The following NALF1 variants were observed in gnomAD, a reference collection of about 807,000 sequenced individuals.
The protein encoded by NALF1 is family with sequence similarity 155 member A.
In NALF1, 3 loss-of-function variants were observed where a neutral mutation model predicts 48.4. The ratio of observed to expected loss-of-function variants is 0.06; its 90% CI spans 0.03 to 0.16. The LOEUF is 0.16. Ranked by LOEUF, NALF1 falls within the 10% of genes least tolerant of loss-of-function variation. The probability of loss-of-function intolerance (pLI) is 1.00; values close to 1 mark genes in which losing one functional copy is unlikely to be tolerated. For missense variants in NALF1, 526 were observed against 571.5 expected, an observed-to-expected ratio of 0.92 and a Z score of 0.81; for synonymous variants, 262 against 245.7, an observed-to-expected ratio of 1.07 and a Z score of -0.62.
chr13:107,423,583 C>T (rs1008597539), intron 1 of NALF1, among the ~76,000 whole-genome samples: 1 of 152,016 alleles, frequency 6.6e-6, no homozygotes, highest in African/African-American at 2.4e-5. Context: ...TTTCTGAAAA[C>T]AAAATTTTCT....
intron 1 of NALF1, among the ~76,000 whole-genome samples, chr13:107,809,962 C>G (rs1394096690): frequency 6.6e-6 from 1 of 151,942 alleles, no homozygotes; most frequent in African/African-American, 2.4e-5. Flanking sequence ...TTTCCATTCT[C>G]TCTCTCTCCT....
At chr13:107,355,929 A>G (rs1376515523) in intron 1 of NALF1, among the ~76,000 whole-genome samples, 1 of 152,216 alleles carries the variant, frequency 6.6e-6, no homozygotes, top group Non-Finnish European at 1.5e-5. Context: ...AGGGTATGTT[A>G]GTGCATTTAA....
chr13:107,326,013 G>A (rs747774722), intron 1 of NALF1, among the ~76,000 whole-genome samples: 5 of 149,446 alleles, frequency 3.3e-5, no homozygotes, highest in South Asian at 2.1e-4. Flanking sequence ...ATATGTGTGT[G>A]TGTGTAATCC....
chr13:107,263,249 GACAC>G (rs34637583), intron 1 of NALF1, among the ~76,000 whole-genome samples: 8,657 of 138,276 alleles, frequency 0.063, 298 homozygotes, highest in African/African-American at 0.11. Context: ...AATGCTAACA[GACAC>G]ACACACACAC....
At chr13:107,600,696 C>T (rs1422377443) in intron 1 of NALF1, among the ~76,000 whole-genome samples, 1 of 152,196 alleles carries the variant, frequency 6.6e-6, no homozygotes, top group East Asian at 1.9e-4. Flanking sequence ...TATATAGACC[C>T]TCATTCAGAA....
chr13:107,791,678 T>C (rs1184605446), intron 1 of NALF1, among the ~76,000 whole-genome samples: 2 of 152,044 alleles, frequency 1.3e-5, no homozygotes, highest in East Asian at 3.9e-4. Context: ...ATCCTTACAT[T>C]TGAAGCACAT....
At chr13:107,186,068 C>G (rs1879164466) in intron 2 of NALF1, among the ~76,000 whole-genome samples, 1 of 152,198 alleles carries the variant, frequency 6.6e-6, no homozygotes, top group Non-Finnish European at 1.5e-5. Flanking sequence ...AGTGAATCAT[C>G]CATTAGTCCA....
chr13:107,680,961 G>C (rs1366683566), intron 1 of NALF1, among the ~76,000 whole-genome samples: 1 of 39,388 alleles, frequency 2.5e-5, no homozygotes, highest in South Asian at 8.4e-4. Context: ...GTGTGTGTGT[G>C]TGTGTGTGTA....
chr13:107,675,948 T>C (rs7328877), intron 1 of NALF1, among the ~76,000 whole-genome samples: 69,900 of 151,838 alleles, frequency 0.46, 17,376 homozygotes, highest in East Asian at 0.82. Context: ...TGCTACCAGA[T>C]TTCTAGAGTC....
chr13:107,430,971 G>A (rs1372754499), intron 1 of NALF1, among the ~76,000 whole-genome samples: 1 of 152,080 alleles, frequency 6.6e-6, no homozygotes, highest in Non-Finnish European at 1.5e-5. Context: ...GTTTTTTCCT[G>A]ACTTTTTAAT....
At chr13:107,638,542 G>C (rs1880055685) in intron 1 of NALF1, among the ~76,000 whole-genome samples, 2 of 152,052 alleles carry the variant, frequency 1.3e-5, no homozygotes, top group African/African-American at 4.8e-5. Flanking sequence ...AGGACAGAGG[G>C]AGAAGAGGAT....
Position 107,431,134 on chromosome 13 carries a change from G to T in NALF1, c.916-220379C>A, listed in dbSNP as rs772428666. 4.5e-4 allele frequency among the ~76,000 whole-genome samples: 69 copies of T among 151,970 alleles called. 1 individual carries two copies. Among genetic ancestry groups the T allele is most frequent in the Admixed American group, 5.9e-4 (9 of 15,242 alleles). ...TGTCTGTTCATGTTCTTTGCCCATT[G>T]AGCTTTCTATCAAACACAGTTCTGT... is the stretch of plus-strand genomic sequence containing the variant. On this transcript the variant is annotated intron_variant, in intron 1 of 2. Transcript: ENST00000375915.
chr13:107,752,977 TTTG>T (rs1160924764), intron 1 of NALF1, among the ~76,000 whole-genome samples: 1 of 152,222 alleles, frequency 6.6e-6, no homozygotes, highest in Non-Finnish European at 1.5e-5. Flanking sequence ...TGTTACCAAC[TTTG>T]TTGTTATGAA....
intron 1 of NALF1, among the ~76,000 whole-genome samples, chr13:107,447,579 A>G (rs770898238): frequency 1.3e-5 from 2 of 152,040 alleles, no homozygotes; most frequent in African/African-American, 4.8e-5. Context: ...TAGCTTCTTT[A>G]TTCCTTTTTA....
intron 1 of NALF1, among the ~76,000 whole-genome samples, chr13:107,593,282 GAATT>G (rs1435618830): frequency 5.3e-5 from 8 of 151,754 alleles, no homozygotes; most frequent in Admixed American, 3.9e-4. Flanking sequence ...TCTAAGACTA[GAATT>G]ATTTACCTGA....
At chr13:107,308,503 C>T (rs1336937108) in intron 1 of NALF1, among the ~76,000 whole-genome samples, 1 of 152,022 alleles carries the variant, frequency 6.6e-6, no homozygotes, top group Non-Finnish European at 1.5e-5. Flanking sequence ...TGCTTTTCGG[C>T]ACTTTAGTTC....
chr13:107,377,414 G>C (rs1883357405), intron 1 of NALF1, among the ~76,000 whole-genome samples: 2 of 152,144 alleles, frequency 1.3e-5, no homozygotes, highest in African/African-American at 4.8e-5. Flanking sequence ...AAAGCAGGAG[G>C]ATCATGGAGA....
chr13:107,357,196 G>A lies in NALF1; in HGVS notation c.916-146441C>T, dbSNP rs138061803. ...ACTCCCAGTTCCACATGGCTGTGGA[G>A]GCCCCAGGAAACTCACAATCATGGC... is the stretch of plus-strand genomic sequence containing the variant. On this transcript the variant is annotated intron_variant, in intron 1 of 2. Transcript: ENST00000375915. 2.3e-3 allele frequency among the ~76,000 whole-genome samples: 354 copies of A among 152,278 alleles called. 1 individual carries two copies. The highest frequency in any genetic ancestry group is 7.9e-3 in the African/African-American group (328 of 41,544).
chr13:107,188,975 C>T (rs771421709), intron 2 of NALF1, among the ~76,000 whole-genome samples: 6 of 152,162 alleles, frequency 3.9e-5, no homozygotes, highest in Non-Finnish European at 7.4e-5. Context: ...ATGCAAAAGC[C>T]ATTCAGAGCT....
Sources: gnomAD v4.1 joint callset for allele counts (sites outside exome capture counted in the v4.1 genomes callset) on GRCh38, gnomAD v4.1.1 for gene constraint, MANE v1.5 for transcripts, NCBI Gene and HGNC (gene_info 2026-07-23, HGNC 2026-07-21) for gene names.